The following RPS6KA2 variants were observed in gnomAD, a reference collection of about 807,000 sequenced individuals.
RPS6KA2 encodes ribosomal protein S6 kinase A2.
RPS6KA2 carries 42 observed loss-of-function variants against 91.8 expected under a neutral mutation model. That is an observed-to-expected ratio of 0.46 (90% CI 0.36 to 0.59). RPS6KA2 has a LOEUF of 0.59. Among genes scored for constraint, RPS6KA2 ranks in the 20% least tolerant of loss-of-function variants. The pLI is 0.00. For synonymous variants in RPS6KA2, 414 were observed against 393.6 expected, an observed-to-expected ratio of 1.05 and a Z score of -0.61; for missense variants, 798 against 978.5, an observed-to-expected ratio of 0.82 and a Z score of 2.46.
At chr6:166,628,474 G>C (rs1177784279), upstream of RPS6KA2, among the ~76,000 whole-genome samples, 1 of 152,262 alleles carries the variant, frequency 6.6e-6, no homozygotes, top group African/African-American at 2.4e-5. Context: ...CCCTGGACTA[G>C]TCAGATGTTG....
chr6:166,589,638 G>A (rs1785294330), intron 1 of RPS6KA2, among the ~76,000 whole-genome samples: 2 of 152,172 alleles, frequency 1.3e-5, no homozygotes, highest in Admixed American at 1.3e-4. Flanking sequence ...CTGGGAAATT[G>A]AACTTTCAGC....
chr6:166,728,778 G>C (rs1790424297), intron 2 of RPS6KA2, among the ~76,000 whole-genome samples: 1 of 152,236 alleles, frequency 6.6e-6, no homozygotes, highest in Non-Finnish European at 1.5e-5. Context: ...CAGCTGGAGA[G>C]AGCTGGGCAT....
chr6:166,545,925 C>A (rs930385318), intron 1 of RPS6KA2, among the ~76,000 whole-genome samples: 15 of 152,198 alleles, frequency 9.9e-5, no homozygotes, highest in Non-Finnish European at 1.6e-4. Flanking sequence ...CCAGGGCTTC[C>A]TGCACACACA....
intron 17 of RPS6KA2, among the ~76,000 whole-genome samples, chr6:166,420,714 T>G (rs909370572): frequency 1.6e-4 from 24 of 152,216 alleles, no homozygotes; most frequent in African/African-American, 5.3e-4. Context: ...GACACATGTC[T>G]CTTTGCGTCC....
chr6:166,598,295 T>C (rs3823197), intron 1 of RPS6KA2, among the ~76,000 whole-genome samples: 15,732 of 152,132 alleles, frequency 0.1, 877 homozygotes, highest in East Asian at 0.26. Flanking sequence ...CCTCCCTAAC[T>C]TGGTGTGGAA....
chr6:166,813,108 C>T lies in RPS6KA2; in HGVS notation c.123+45092G>A, dbSNP rs546937524. ...TGCTTCTCACCGTGACCCAGACCACCGCTCCCTGGAGAACGGATCCAGACT... is the reference window on the plus strand; with the variant it reads ...TGCTTCTCACCGTGACCCAGACCACTGCTCCCTGGAGAACGGATCCAGACT... On this transcript the variant is annotated intron_variant, in intron 2 of 21. Coordinates refer to the RPS6KA2 transcript ENST00000503859. Among the ~76,000 whole-genome samples the T allele has an allele frequency of 3.9e-5, 6 of 152,206 alleles. No homozygotes were observed. The South Asian group carries it at 1.3e-3, about 32-fold the overall frequency.
chr6:166,611,048 A>G (rs1424347539), intron 1 of RPS6KA2, among the ~76,000 whole-genome samples: 3 of 152,262 alleles, frequency 2.0e-5, no homozygotes, highest in African/African-American at 7.2e-5. Flanking sequence ...ATGATTGCAG[A>G]CAGATAATAT....
chr6:166,624,663 A>T (rs1786771348), intron 1 of RPS6KA2, among the ~76,000 whole-genome samples: 1 of 152,100 alleles, frequency 6.6e-6, no homozygotes, highest in African/African-American at 2.4e-5. Flanking sequence ...TCCTCCATAA[A>T]CACTTGCAGA....
chr6:166,665,520 G>A lies in RPS6KA2; in HGVS notation c.124-126736C>T, dbSNP rs1286172366. On this transcript the variant is annotated intron_variant, in intron 2 of 21. Transcript: ENST00000503859. This position sits in a 1 kb window ranked among gnomAD's most constrained non-coding sequence, Gnocchi z 4.5. Reference sequence around the variant, plus strand: ...CCCATGTGACTTCCCCACCTTTGTGGCGCATGGTATGAAGAGTACAGGAAA... The same window carrying A: ...CCCATGTGACTTCCCCACCTTTGTGACGCATGGTATGAAGAGTACAGGAAA... Among the ~76,000 whole-genome samples the A allele has an allele frequency of 6.6e-6, 1 of 152,130 alleles. No individual in the cohort carries two copies. The highest frequency in any genetic ancestry group is 1.5e-5 in the Non-Finnish European group (1 of 68,028).
At chr6:166,564,755 G>A (rs1159059180) in intron 1 of RPS6KA2, among the ~76,000 whole-genome samples, 1 of 152,166 alleles carries the variant, frequency 6.6e-6, no homozygotes, top group Non-Finnish European at 1.5e-5. Context: ...ATGGGGGAAA[G>A]TCCTTGCTCA....
At chr6:166,680,488 G>A (rs530188675) in intron 2 of RPS6KA2, among the ~76,000 whole-genome samples, 29 of 150,276 alleles carry the variant, frequency 1.9e-4, no homozygotes, top group African/African-American at 7.1e-4. Context: ...GCTCTTTGTA[G>A]TAAATCTTGC....
intron 1 of RPS6KA2, among the ~76,000 whole-genome samples, chr6:166,861,423 C>T (rs573327158): frequency 2.6e-5 from 4 of 152,236 alleles, no homozygotes; most frequent in East Asian, 1.9e-4. Flanking sequence ...GTATGTTGAC[C>T]ATCTCCAATT....
chr6:166,851,702 C>G (rs943458103), intron 2 of RPS6KA2, among the ~76,000 whole-genome samples: 1 of 152,122 alleles, frequency 6.6e-6, no homozygotes, highest in African/African-American at 2.4e-5. Context: ...CTCTGTTTCT[C>G]GGAAAGAAAG....
chr6:166,545,125 A>C (rs1783784469), intron 1 of RPS6KA2, among the ~76,000 whole-genome samples: 1 of 152,198 alleles, frequency 6.6e-6, no homozygotes. Flanking sequence ...GAGCCTATCT[A>C]CTTGATAGAG....
intron 2 of RPS6KA2, among the ~76,000 whole-genome samples, chr6:166,675,446 G>A (rs1237146301): frequency 6.6e-6 from 1 of 152,170 alleles, no homozygotes. Context: ...TGGCACAGTC[G>A]TACCTGCAAA....
chr6:166,626,864 G>T lies in RPS6KA2; in HGVS notation c.99+57C>A. 7.4e-7 allele frequency: 1 copy of T among 1,342,400 alleles called. No homozygotes were observed. Among genetic ancestry groups the T allele is most frequent in the Non-Finnish European group, 9.7e-7 (1 of 1,032,564 alleles). 83.2% of individuals were successfully genotyped at this position (1,342,400 alleles called of 1,614,324 possible). On this transcript the variant is annotated intron_variant, in intron 1 of 20. Transcript: ENST00000265678. The surrounding 1 kb of genome is among the most constrained non-coding windows in gnomAD (Gnocchi z 4.1). ...CCCAGGGGTGGCGAGGCGGGCTCGGGCGACCACGGCCCGCTCAGTGCCCGG... is the reference window on the plus strand; with the variant it reads ...CCCAGGGGTGGCGAGGCGGGCTCGGTCGACCACGGCCCGCTCAGTGCCCGG...
chr6:166,767,806 CA>C lies in RPS6KA2; in HGVS notation c.123+90393del, dbSNP rs1406207661. 1.5e-5 allele frequency among the ~76,000 whole-genome samples: 2 copies of C among 135,002 alleles called. No homozygotes were observed. The highest frequency in any genetic ancestry group is 5.4e-5 in the African/African-American group (2 of 36,718). 88.6% of individuals were successfully genotyped at this position (135,002 alleles called of 152,430 possible). On this transcript the variant is annotated intron_variant, in intron 2 of 21. Coordinates refer to the RPS6KA2 transcript ENST00000503859. This position sits in a 1 kb window ranked among gnomAD's most constrained non-coding sequence, Gnocchi z 4.6. ...ACACACACACACACACACACACACA[CA>C]CACACACACCCTGGTGTCAGGCAGC... is the stretch of plus-strand genomic sequence containing the variant.
chr6:166,760,368 C>A (rs575903216), intron 2 of RPS6KA2, among the ~76,000 whole-genome samples: 29 of 152,318 alleles, frequency 1.9e-4, no homozygotes, highest in Middle Eastern at 3.4e-3. Flanking sequence ...CTGGTCTAAT[C>A]TCCAAAGGAA....
At chr6:166,818,464 G>A (rs1779825567) in intron 2 of RPS6KA2, among the ~76,000 whole-genome samples, 1 of 152,178 alleles carries the variant, frequency 6.6e-6, no homozygotes. Context: ...TAGCTGGCAG[G>A]TCCATCCCTC....
Sources: allele counts gnomAD v4.1 joint callset (sites outside exome capture counted in the v4.1 genomes callset), GRCh38; gene constraint gnomAD v4.1.1; non-coding constraint Gnocchi (gnomAD v3.1); transcripts MANE v1.5; gene names NCBI Gene and HGNC (gene_info 2026-07-23, HGNC 2026-07-21).